DIP2C: variants seen among roughly 807,000 people sequenced by gnomAD.
The protein encoded by DIP2C is disco-interacting protein 2 homolog C.
DIP2C carries 33 observed loss-of-function variants against 192.4 expected under a neutral mutation model. That is an observed-to-expected ratio of 0.17 (90% CI 0.13 to 0.23). DIP2C has a LOEUF of 0.23. Among genes scored for constraint, DIP2C ranks in the 10% least tolerant of loss-of-function variants. The probability of loss-of-function intolerance (pLI) is 1.00; values close to 1 mark genes in which losing one functional copy is unlikely to be tolerated. For synonymous variants in DIP2C, 979 were observed against 864.1 expected (o/e 1.13, Z -2.33); for missense variants, 1,537 against 2,110.1 (o/e 0.73, Z 5.32).
At chr10:492,036 C>G (rs1379848405) in intron 1 of DIP2C, among the ~76,000 whole-genome samples, 3 of 152,294 alleles carry the variant, frequency 2.0e-5, no homozygotes, top group Admixed American at 6.5e-5. Flanking sequence ...CCCCAGAAAA[C>G]AGGGGCTAAG....
rs111430207 is a variant in DIP2C, at chr10:416,043, C to T, written c.740-155G>A. Reference sequence around the variant, plus strand: ...AAGGGCCCGAGGTGATCATGCTGTACGGTAGCCCCGTGGCTAGGCAGGAGA... The same window carrying T: ...AAGGGCCCGAGGTGATCATGCTGTATGGTAGCCCCGTGGCTAGGCAGGAGA... On this transcript the variant is annotated intron_variant, in intron 6 of 36. Coordinates refer to ENST00000280886, the MANE Select transcript of DIP2C (RefSeq NM_014974.3). Among the ~76,000 whole-genome samples, 612 of 151,010 alleles carry T rather than the reference C, an allele frequency of 4.1e-3. 1 individual carries two copies. The highest frequency in any genetic ancestry group is 0.014 in the East Asian group (72 of 5,150).
chr10:506,671 G>A (rs1554884842), intron 1 of DIP2C, among the ~76,000 whole-genome samples: 1 of 152,210 alleles, frequency 6.6e-6, no homozygotes, highest in Non-Finnish European at 1.5e-5. Context: ...GTCTGCAGCT[G>A]CCTCCTATCC....
At chr10:492,837 A>G (rs1278465162) in intron 1 of DIP2C, among the ~76,000 whole-genome samples, 4 of 152,246 alleles carry the variant, frequency 2.6e-5, no homozygotes, top group Non-Finnish European at 5.9e-5. Context: ...TTTGGAATCC[A>G]TTCTATTTGT....
chr10:640,668 CGGGGATGAGGGTG>C (rs1163341423), intron 1 of DIP2C, among the ~76,000 whole-genome samples: 3 of 140,250 alleles, frequency 2.1e-5, no homozygotes, highest in African/African-American at 9.4e-5. Flanking sequence ...AGGGTGCGCG[CGGGGATGAGGGTG>C]CGCGCGGGGA....
At position 493,631 on chromosome 10, in the gene DIP2C, C is replaced by A. The variant is rs575828275; in HGVS notation, c.86-7101G>T. ...AGCAAGTCTCTCACGCTCCACCCTC[C>A]GCTTCCCGACAGACAGAGGGAGAGA... On this transcript the variant is annotated intron_variant, in intron 1 of 36. Coordinates refer to ENST00000280886, the MANE Select transcript of DIP2C (RefSeq NM_014974.3). Among the ~76,000 whole-genome samples the A allele has an allele frequency of 1.3e-5, 2 of 152,160 alleles. 1 individual carries two copies. The highest frequency in any genetic ancestry group is 4.8e-5 in the African/African-American group (2 of 41,432).
chr10:387,370 C>T (rs1358331573), intron 14 of DIP2C, among the ~76,000 whole-genome samples: 1 of 152,202 alleles, frequency 6.6e-6, no homozygotes, highest in East Asian at 1.9e-4. Context: ...CACAGTGTGG[C>T]AGGAAGCAGC....
At chr10:385,491 T>G (rs558593970) in intron 14 of DIP2C, among the ~76,000 whole-genome samples, 17 of 152,340 alleles carry the variant, frequency 1.1e-4, no homozygotes, top group Admixed American at 3.3e-4. Context: ...TTCTTCCCGG[T>G]GTGTTATGCT....
At chr10:347,797 C>G (rs1958576627) in intron 26 of DIP2C, among the ~76,000 whole-genome samples, 1 of 149,392 alleles carries the variant, frequency 6.7e-6, no homozygotes, top group African/African-American at 2.5e-5. Context: ...CTCCCGGAAA[C>G]CCCACACTCA....
intron 1 of DIP2C, among the ~76,000 whole-genome samples, chr10:613,045 C>T (rs1316150073): frequency 2.6e-5 from 4 of 152,180 alleles, no homozygotes; most frequent in Non-Finnish European, 5.9e-5. Flanking sequence ...CATCCCACAC[C>T]CAGGAAGAGG....
intron 1 of DIP2C, among the ~76,000 whole-genome samples, chr10:637,980 C>G (rs1414809326): frequency 6.6e-6 from 1 of 152,204 alleles, no homozygotes; most frequent in African/African-American, 2.4e-5. Flanking sequence ...GACTCCTGCC[C>G]AAGGCCTAAT....
intron 17 of DIP2C, among the ~76,000 whole-genome samples, chr10:375,419 C>G (rs1961447409): frequency 6.6e-6 from 1 of 152,140 alleles, no homozygotes; most frequent in African/African-American, 2.4e-5. Context: ...GAACTGTGAG[C>G]CAAAATAAAC....
chr10:414,739 G>GTGTCTATATATATATATATATA, intron 7 of DIP2C, among the ~76,000 whole-genome samples: 1 of 90,508 alleles, frequency 1.1e-5, no homozygotes, highest in Admixed American at 1.2e-4. Context: ...GTGTGTGTGT[G>GTGTCTATATATATATATATATA]TACATATATA....
chr10:549,456 T>C (rs1388021542), intron 1 of DIP2C, among the ~76,000 whole-genome samples: 1 of 152,006 alleles, frequency 6.6e-6, no homozygotes, highest in African/African-American at 2.4e-5. Flanking sequence ...ATGTGGCACA[T>C]GAGAAGGAAG....
chr10:390,711 T>G, intron 11 of DIP2C, 29 bp downstream of exon 11: 1 of 1,605,890 alleles, frequency 6.2e-7, no homozygotes, highest in Non-Finnish European at 8.5e-7. Flanking sequence ...GACGTGGGCA[T>G]GCGAGCTCTC....
intron 28 of DIP2C, among the ~76,000 whole-genome samples, chr10:342,989 C>T (rs1353010078): frequency 1.3e-5 from 2 of 152,138 alleles, no homozygotes; most frequent in East Asian, 1.9e-4. Context: ...CTGATTTTTG[C>T]GGTTTTAAAA....
intron 3 of DIP2C, among the ~76,000 whole-genome samples, chr10:451,210 C>G (rs1028437276): frequency 2.0e-5 from 3 of 152,180 alleles, no homozygotes; most frequent in Admixed American, 6.5e-5. Flanking sequence ...ACAGATCATT[C>G]GATTCTAAGT....
chr10:375,655 A>G (rs1292065744), intron 17 of DIP2C, among the ~76,000 whole-genome samples: 1 of 152,164 alleles, frequency 6.6e-6, no homozygotes, highest in Admixed American at 6.5e-5. Context: ...AGCAGCTCCT[A>G]TAAATTTCAT....
At chr10:319,722 T>C (rs1956925484) in intron 31 of DIP2C, among the ~76,000 whole-genome samples, 1 of 152,242 alleles carries the variant, frequency 6.6e-6, no homozygotes, top group Admixed American at 6.5e-5. Flanking sequence ...TTTAGTAAAT[T>C]GAAATTCTTT....
At chr10:589,110 T>TCA (rs1319188342) in intron 1 of DIP2C, among the ~76,000 whole-genome samples, 1 of 152,092 alleles carries the variant, frequency 6.6e-6, no homozygotes, top group East Asian at 1.9e-4. Flanking sequence ...TCAGATGCTT[T>TCA]CAGGCCACCC....
Sources: allele counts gnomAD v4.1 joint callset (sites outside exome capture counted in the v4.1 genomes callset), GRCh38; gene constraint gnomAD v4.1.1; transcripts MANE v1.5; gene names NCBI Gene and HGNC (gene_info 2026-07-23, HGNC 2026-07-21).